The following AMPH variants were observed in gnomAD, a reference collection of about 807,000 sequenced individuals.
AMPH encodes the protein amphiphysin, also known as amphiphysin (Stiff-Mann syndrome with breast cancer 128kD autoantigen).
Under a neutral mutation model 99.1 loss-of-function variants are expected in AMPH, and 49 were observed. The observed-to-expected ratio is 0.49, with a 90% CI of 0.39 to 0.63. The LOEUF is 0.63. AMPH is among the 20% of genes least tolerant of loss of function. AMPH has a pLI of 0.00. For synonymous variants in AMPH, 314 were observed against 317.3 expected, an observed-to-expected ratio of 0.99 and a Z score of 0.11; for missense variants, 759 against 863.4, an observed-to-expected ratio of 0.88 and a Z score of 1.52.
intron 5 of AMPH, among the ~76,000 whole-genome samples, chr7:38,487,124 T>G (rs1245847844): frequency 6.6e-6 from 1 of 152,164 alleles, no homozygotes; most frequent in African/African-American, 2.4e-5. Flanking sequence ...TTGTACCTGT[T>G]GGCAGATACT....
At chr7:38,497,322 TC>T (rs1329414009) in intron 3 of AMPH, among the ~76,000 whole-genome samples, 1 of 152,128 alleles carries the variant, frequency 6.6e-6, no homozygotes, top group Non-Finnish European at 1.5e-5. Context: ...ATATACAATA[TC>T]CAAAATTTTC....
chr7:38,536,789 C>T (rs1273873189), intron 1 of AMPH, among the ~76,000 whole-genome samples: 1 of 151,958 alleles, frequency 6.6e-6, no homozygotes, highest in Non-Finnish European at 1.5e-5. Context: ...CTAATACTCT[C>T]CTGTCACTTA....
chr7:38,503,725 T>C, intron 2 of AMPH, 21 bp from the exon 3 acceptor site: 1 of 1,612,256 alleles, frequency 6.2e-7, no homozygotes, highest in Admixed American at 1.7e-5. Context: ...CAAGCACAGA[T>C]GCTAAATATC....
At chr7:38,566,608 G>A (rs533001657) in intron 1 of AMPH, among the ~76,000 whole-genome samples, 1 of 152,150 alleles carries the variant, frequency 6.6e-6, no homozygotes, top group African/African-American at 2.4e-5. Context: ...GAGTGAACAG[G>A]CAACCTACAG....
chr7:38,559,597 C>G (rs1028527413), intron 1 of AMPH, among the ~76,000 whole-genome samples: 1 of 152,174 alleles, frequency 6.6e-6, no homozygotes, highest in East Asian at 1.9e-4. Flanking sequence ...ACTTCACTTA[C>G]TGAATACTTA....
intron 17 of AMPH, among the ~76,000 whole-genome samples, chr7:38,395,154 A>G (rs78428350): frequency 0.058 from 8,835 of 152,296 alleles, 359 homozygotes; most frequent in East Asian, 0.19. Flanking sequence ...AAAATTTAGA[A>G]AGAGTGCATT....
At chr7:38,450,367 C>T (rs1028636414) in intron 11 of AMPH, among the ~76,000 whole-genome samples, 16 of 152,206 alleles carry the variant, frequency 1.1e-4, no homozygotes, top group African/African-American at 3.9e-4. Flanking sequence ...CAAAGAGGGA[C>T]CCTGCCCCAA....
chr7:38,610,245 A>AG (rs1793584369), intron 1 of AMPH, among the ~76,000 whole-genome samples: 12 of 17,122 alleles, frequency 7.0e-4, no homozygotes, highest in Non-Finnish European at 1.5e-3. Flanking sequence ...AAAAAAAAAA[A>AG]AAAAAAAAAA....
intron 11 of AMPH, among the ~76,000 whole-genome samples, chr7:38,457,806 A>T: frequency 6.6e-6 from 1 of 152,244 alleles, no homozygotes; most frequent in South Asian, 2.1e-4. Flanking sequence ...TAAGAACAGC[A>T]AGAGAAAAGC....
At chr7:38,406,754 CTCT>C (rs1785017426) in intron 17 of AMPH, among the ~76,000 whole-genome samples, 1 of 143,430 alleles carries the variant, frequency 7.0e-6, no homozygotes, top group African/African-American at 2.7e-5. Flanking sequence ...CTCTCTCTCT[CTCT>C]CTCTCTCTCT....
At chr7:38,576,606 T>C (rs900743521) in intron 1 of AMPH, among the ~76,000 whole-genome samples, 3 of 152,158 alleles carry the variant, frequency 2.0e-5, no homozygotes, top group African/African-American at 7.2e-5. Context: ...CTTTGTCTTA[T>C]TTATCAGAAT....
chr7:38,432,076 T>C, intron 13 of AMPH, 113 bp downstream of exon 13: 1 of 943,002 alleles, frequency 1.1e-6, no homozygotes, highest in East Asian at 2.4e-5. Flanking sequence ...GGGGACTATA[T>C]CATCATTAAA....
In AMPH at chr7:38,509,361, CA is replaced by C. The variant is rs749665500; in HGVS notation, c.151-5658del. Among the ~76,000 whole-genome samples the C allele has an allele frequency of 7.9e-5, 12 of 152,164 alleles. No homozygotes were observed. In the East Asian group the frequency reaches 1.7e-3, roughly 22 times the overall value. On this transcript the variant is annotated intron_variant, in intron 2 of 20. Transcript: ENST00000356264. ...TGGCCCAATTTCCAACTATCCCTGT[CA>C]CCAATTCCAGGAATATCTACGATCT...
intron 17 of AMPH, among the ~76,000 whole-genome samples, chr7:38,401,551 C>G (rs911622728): frequency 2.0e-5 from 3 of 152,170 alleles, no homozygotes; most frequent in African/African-American, 7.2e-5. Flanking sequence ...TCCTACATGA[C>G]CAACTATTGA....
intron 18 of AMPH, among the ~76,000 whole-genome samples, chr7:38,392,975 TAA>T (rs1229216020): frequency 2.0e-5 from 3 of 152,218 alleles, no homozygotes; most frequent in African/African-American, 4.8e-5. Context: ...TTCATTTGTT[TAA>T]CAAAGATGAG....
At chr7:38,619,797 T>C (rs1455832760) in intron 1 of AMPH, among the ~76,000 whole-genome samples, 2 of 152,198 alleles carry the variant, frequency 1.3e-5, no homozygotes, top group African/African-American at 4.8e-5. Flanking sequence ...GGAATGCCAG[T>C]GGTCCCCATG....
chr7:38,552,303 A>G (rs770449616), intron 1 of AMPH, among the ~76,000 whole-genome samples: 5 of 152,222 alleles, frequency 3.3e-5, no homozygotes, highest in Non-Finnish European at 7.3e-5. Flanking sequence ...CCTGGCTGGC[A>G]TAAGGACCAG....
intron 1 of AMPH, among the ~76,000 whole-genome samples, chr7:38,562,754 T>A (rs1791600730): frequency 6.6e-6 from 1 of 152,218 alleles, no homozygotes; most frequent in Non-Finnish European, 1.5e-5. Context: ...TTATTTGTGA[T>A]GTGCCATTAT....
chr7:38,580,255 C>A (rs974252672), intron 1 of AMPH, among the ~76,000 whole-genome samples: 1 of 152,068 alleles, frequency 6.6e-6, no homozygotes, highest in African/African-American at 2.4e-5. Flanking sequence ...TATTATATTC[C>A]TGAATTCCCC....
Sources: gnomAD v4.1 joint callset for allele counts (sites outside exome capture counted in the v4.1 genomes callset) on GRCh38, gnomAD v4.1.1 for gene constraint, MANE v1.5 for transcripts, NCBI Gene and HGNC (gene_info 2026-07-23, HGNC 2026-07-21) for gene names.